The following SORCS2 variants were observed in gnomAD, a reference collection of about 807,000 sequenced individuals.
SORCS2 encodes sortilin related VPS10 domain containing receptor 2.
A neutral mutation model predicts 141.6 loss-of-function variants in SORCS2; 100 were observed. That is an observed-to-expected ratio of 0.71 (90% CI 0.60 to 0.83). SORCS2 has a LOEUF of 0.83. Among genes scored for constraint, SORCS2 ranks in the 40% least tolerant of loss-of-function variants. SORCS2 has a pLI of 0.00. For synonymous variants in SORCS2, 789 were observed against 676.9 expected, an observed-to-expected ratio of 1.17 and a Z score of -2.57; for missense variants, 1,646 against 1,560.2, an observed-to-expected ratio of 1.05 and a Z score of -0.93.
intron 3 of SORCS2, among the ~76,000 whole-genome samples, chr4:7,546,202 G>A (rs1374498143): frequency 6.6e-6 from 1 of 152,116 alleles, no homozygotes; most frequent in African/African-American, 2.4e-5. Flanking sequence ...TTCTATCGTG[G>A]GAGGTGGGAG....
At chr4:7,583,584 G>A (rs967917769) in intron 3 of SORCS2, among the ~76,000 whole-genome samples, 25 of 152,282 alleles carry the variant, frequency 1.6e-4, no homozygotes, top group African/African-American at 5.8e-4. Flanking sequence ...CCCCCATACT[G>A]TTCTCATGGT....
At chr4:7,312,613 T>C (rs1019249667) in intron 1 of SORCS2, among the ~76,000 whole-genome samples, 4 of 152,214 alleles carry the variant, frequency 2.6e-5, no homozygotes, top group South Asian at 2.1e-4. Flanking sequence ...GCTTGCCCTC[T>C]GTTCTGTGCT....
intron 2 of SORCS2, among the ~76,000 whole-genome samples, chr4:7,403,961 G>GTGTGTATATATATATATATATATA (rs1260939310): frequency 1.0e-4 from 3 of 29,892 alleles, no homozygotes; most frequent in Non-Finnish European, 1.5e-4. Flanking sequence ...CTCCATGTGT[G>GTGTGTATATATATATATATATATA]TATATATATA....
intron 1 of SORCS2, among the ~76,000 whole-genome samples, chr4:7,247,339 G>C (rs903977222): frequency 6.6e-6 from 1 of 150,802 alleles, no homozygotes; most frequent in Non-Finnish European, 1.5e-5. Context: ...AGGCTTTACT[G>C]TTTCTGGGTA....
chr4:7,575,301 C>A (rs973330596), intron 3 of SORCS2, among the ~76,000 whole-genome samples: 3 of 152,322 alleles, frequency 2.0e-5, no homozygotes, highest in African/African-American at 7.2e-5. Context: ...TTGATTTTAG[C>A]AGTATATTTT....
intron 2 of SORCS2, among the ~76,000 whole-genome samples, chr4:7,528,494 C>T (rs375380396): frequency 6.6e-6 from 1 of 152,050 alleles, no homozygotes; most frequent in African/African-American, 2.4e-5. Context: ...GGTGCGATCT[C>T]AGCTCACTGC....
chr4:7,460,617 T>G (rs143286378), intron 2 of SORCS2, among the ~76,000 whole-genome samples: 4 of 152,266 alleles, frequency 2.6e-5, no homozygotes, highest in African/African-American at 9.6e-5. Flanking sequence ...TGCAGGCATG[T>G]CGGAATTGCA....
In SORCS2 at chr4:7,638,321, G is replaced by C; in HGVS notation, c.649-7G>C. 1 of 1,500,952 alleles carries C rather than the reference G, an allele frequency of 6.7e-7. No homozygotes were observed. The allele number at this position is 1,500,952 out of a possible 1,614,324, so 93.0% of individuals were successfully genotyped here. A position where few individuals can be genotyped will look rare whatever the true frequency, so the allele number is the denominator to read the frequency against. ...GCCCAGGCCTCACAACCCGCTTTGT[G>C]TTTCAGGTCATCCTTGTCAGCTCCT... On this transcript the variant is annotated splice_region_variant and splice_polypyrimidine_tract_variant and intron_variant, in intron 3 of 26. Coordinates refer to ENST00000507866, the MANE Select transcript of SORCS2 (RefSeq NM_020777.3).
intron 3 of SORCS2, among the ~76,000 whole-genome samples, chr4:7,583,744 A>T (rs1209465721): frequency 1.3e-5 from 2 of 152,214 alleles, no homozygotes; most frequent in East Asian, 3.8e-4. Context: ...CTGTGAGTCC[A>T]TTAAACCTCT....
chr4:7,675,404 G>A (rs1292926787), intron 8 of SORCS2, among the ~76,000 whole-genome samples: 2 of 152,184 alleles, frequency 1.3e-5, no homozygotes, highest in Admixed American at 1.3e-4. Flanking sequence ...GACCGGCACA[G>A]GGGGACTGGA....
In SORCS2 at chr4:7,620,017, CCTTCCTCCTCCTCCTCCTT is replaced by C. The variant is rs1472701278; in HGVS notation, c.649-18309_649-18291del. Among the ~76,000 whole-genome samples the C allele has an allele frequency of 3.2e-3, 7 of 2,182 alleles. No individual in the cohort carries two copies. The Admixed American group carries it at 0.13, about 40-fold the overall frequency. 1.4% of individuals were successfully genotyped at this position (2,182 alleles called of 152,430 possible). On this transcript the variant is annotated intron_variant, in intron 3 of 26. Transcript: ENST00000507866. ...TACACCTCTTTTTTCTCCTCCTCCT[CCTTCCTCCTCCTCCTCCTT>C]CCTCCTCCTCCTCCTTCCTCTTCCT... is the stretch of plus-strand genomic sequence containing the variant.
chr4:7,709,733 C>G (rs908786245), intron 14 of SORCS2, among the ~76,000 whole-genome samples: 1 of 152,174 alleles, frequency 6.6e-6, no homozygotes, highest in African/African-American at 2.4e-5. Flanking sequence ...ACAAATCTGC[C>G]CAAAGGCCAC....
At chr4:7,504,874 A>T (rs1228185618) in intron 2 of SORCS2, among the ~76,000 whole-genome samples, 1 of 152,230 alleles carries the variant, frequency 6.6e-6, no homozygotes, top group Non-Finnish European at 1.5e-5. Context: ...CAAAAGGTCC[A>T]TGGTGAGCAG....
intron 1 of SORCS2, among the ~76,000 whole-genome samples, chr4:7,360,362 C>T (rs531458602): frequency 5.9e-5 from 9 of 152,144 alleles, no homozygotes; most frequent in East Asian, 1.9e-4. Flanking sequence ...CTGCCTGACA[C>T]GAAACACTGC....
At chr4:7,247,304 A>ATT (rs79083234) in intron 1 of SORCS2, among the ~76,000 whole-genome samples, 1 of 142,678 alleles carries the variant, frequency 7.0e-6, no homozygotes. Context: ...TCTATCTTTA[A>ATT]TTTTTTTTTT....
chr4:7,197,423 T>C (rs1412194536), intron 1 of SORCS2, among the ~76,000 whole-genome samples: 2 of 152,184 alleles, frequency 1.3e-5, no homozygotes, highest in South Asian at 2.1e-4. Context: ...CTTAGAGTAG[T>C]CTAGTGGGAG....
chr4:7,638,539 G>C, intron 4 of SORCS2, 47 bp downstream of exon 4: 7 of 1,563,092 alleles, frequency 4.5e-6, no homozygotes, highest in Non-Finnish European at 6.0e-6. Context: ...GCTGGGGTCT[G>C]CTCGACCCAC....
intron 2 of SORCS2, among the ~76,000 whole-genome samples, chr4:7,423,187 C>T (rs1316619489): frequency 6.6e-6 from 1 of 152,178 alleles, no homozygotes. Context: ...GTGCTGTTTT[C>T]TCTTCATTGC....
At chr4:7,322,186 C>G (rs73208470) in intron 1 of SORCS2, among the ~76,000 whole-genome samples, 33,753 of 152,116 alleles carry the variant, frequency 0.22, 4,240 homozygotes, top group Non-Finnish European at 0.29. Context: ...CCCACCCCCA[C>G]ATGGCCAGGG....
Sources: allele counts gnomAD v4.1 joint callset (sites outside exome capture counted in the v4.1 genomes callset), GRCh38; gene constraint gnomAD v4.1.1; transcripts MANE v1.5; gene names NCBI Gene and HGNC (gene_info 2026-07-23, HGNC 2026-07-21).